Variants in PIP5K1C observed in about 807,000 individuals in gnomAD.
The protein encoded by PIP5K1C is phosphatidylinositol 4-phosphate 5-kinase type-1 gamma.
PIP5K1C carries 45 observed loss-of-function variants against 80.1 expected under a neutral mutation model. The ratio of observed to expected loss-of-function variants is 0.56; its 90% confidence interval spans 0.44 to 0.72. The LOEUF is 0.72. PIP5K1C is among the 30% of genes least tolerant of loss of function. The pLI is 0.00. For synonymous variants in PIP5K1C, 498 were observed against 420.1 expected (o/e 1.19, Z -2.27); for missense variants, 753 against 954.6 (o/e 0.79, Z 2.78).
Position 3,696,082 on chromosome 19 carries a change from G to A in PIP5K1C, c.94+4215C>T, listed in dbSNP as rs1057394937. Among the ~76,000 whole-genome samples the A allele has an allele frequency of 1.6e-4, 25 of 152,214 alleles. No individual in the cohort carries two copies. The highest frequency in any genetic ancestry group is 4.8e-4 in the African/African-American group (20 of 41,536). On this transcript the variant is annotated intron_variant, in intron 1 of 17. Transcript: ENST00000335312. This position sits in a 1 kb window ranked among gnomAD's most constrained non-coding sequence, Gnocchi z 4.1. ...ACAGCTACAGGGAGGCCCTGGTGGC[G>A]GTGCTGACTCCCTGCCCGGCCGCCC... is the stretch of plus-strand genomic sequence containing the variant.
Position 3,641,879 on chromosome 19 carries a change from A to G in PIP5K1C, c.1683-70T>C, listed in dbSNP as rs182796448. 59 of 1,232,416 alleles carry G rather than the reference A, an allele frequency of 4.8e-5. No individual in the cohort carries two copies. The East Asian group carries it at 1.3e-3, about 28-fold the overall frequency. 76.3% of individuals were successfully genotyped at this position (1,232,416 alleles called of 1,614,324 possible). On this transcript the variant is annotated intron_variant, in intron 14 of 17. Transcript: ENST00000335312. Reference sequence around the variant, plus strand: ...CCCCATCCTACCCCCAGGAGTGCCCAGTGAACTCCAGGGCCAGTCCCAGAG... The same window carrying G: ...CCCCATCCTACCCCCAGGAGTGCCCGGTGAACTCCAGGGCCAGTCCCAGAG...
At chr19:3,654,468 G>A (rs757670742) in intron 6 of PIP5K1C, among the ~76,000 whole-genome samples, 12 of 152,164 alleles carry the variant, frequency 7.9e-5, no homozygotes, top group East Asian at 1.9e-4. Flanking sequence ...GGCCGAATCC[G>A]GCCACCACCT....
At position 3,688,923 on chromosome 19, in the gene PIP5K1C, G is replaced by A. The variant is rs545138606; in HGVS notation, c.94+11374C>T. 2.0e-5 allele frequency among the ~76,000 whole-genome samples: 3 copies of A among 151,758 alleles called. No individual in the cohort carries two copies. Among genetic ancestry groups the A allele is most frequent in the South Asian group, 4.2e-4 (2 of 4,816 alleles). Reference sequence around the variant, plus strand: ...CCCAACACAGCCTGCAAATGGGCGGGGGCCTGGGAGAGTGCCCGGGATGGG... The same window carrying A: ...CCCAACACAGCCTGCAAATGGGCGGAGGCCTGGGAGAGTGCCCGGGATGGG... On this transcript the variant is annotated intron_variant, in intron 1 of 17. Coordinates refer to ENST00000335312, the MANE Select transcript of PIP5K1C (RefSeq NM_012398.3). This position sits in a 1 kb window ranked among gnomAD's most constrained non-coding sequence, Gnocchi z 5.3.
intron 3 of PIP5K1C, 25 bp from the exon 4 acceptor site, chr19:3,662,026 GC>G (rs779156125): frequency 1.9e-6 from 3 of 1,563,094 alleles, no homozygotes; most frequent in Non-Finnish European, 2.6e-6. Flanking sequence ...GAGTGTCAGG[GC>G]CCCCGGCTGC....
chr19:3,663,114 C>A (rs1012949464), intron 3 of PIP5K1C, among the ~76,000 whole-genome samples: 3 of 152,238 alleles, frequency 2.0e-5, no homozygotes, highest in Non-Finnish European at 4.4e-5. Flanking sequence ...GATCCTCCCG[C>A]CTCGGCCTCC....
intron 15 of PIP5K1C, among the ~76,000 whole-genome samples, chr19:3,639,678 T>C (rs1219378879): frequency 6.6e-6 from 1 of 152,208 alleles, no homozygotes; most frequent in Non-Finnish European, 1.5e-5. Context: ...GCGATCCTCC[T>C]GCCTCAGCCT....
chr19:3,664,999 GTTTA>G lies in PIP5K1C; in HGVS notation c.127-89_127-86del. On this transcript the variant is annotated intron_variant, in intron 2 of 17. Coordinates refer to ENST00000335312, the MANE Select transcript of PIP5K1C (RefSeq NM_012398.3). ...ACGCTCTGAAACCCTGGGAAGAAAG[GTTTA>G]GTCGTTGGGCCCAGCAGGGGTGCAC... The G allele has an allele frequency of 3.5e-6, 4 of 1,152,116 alleles. No individual in the cohort carries two copies. In the South Asian group the frequency reaches 5.0e-5, roughly 14 times the overall value. 71.4% of individuals were successfully genotyped at this position (1,152,116 alleles called of 1,614,324 possible).
intron 17 of PIP5K1C, 25 bp downstream of exon 17, chr19:3,633,412 G>A (rs927995040): frequency 3.5e-6 from 5 of 1,426,704 alleles, no homozygotes; most frequent in African/African-American, 1.4e-5. Flanking sequence ...CACGGGACCG[G>A]CGGGTGCACC....
rs555214130 is a variant in PIP5K1C at position 3,633,159 on chromosome 19, C to T, written c.*8G>A. 6.6e-6 allele frequency: 5 copies of T among 758,076 alleles called. No homozygotes were observed. The African/African-American group carries it at 8.5e-5, about 13-fold the overall frequency. 47.0% of individuals were successfully genotyped at this position (758,076 alleles called of 1,614,324 possible). A position where few individuals can be genotyped will look rare whatever the true frequency, so the allele number is the denominator to read the frequency against. ...GAGCTCGGCTCTGGGTCGGGGGCTG[C>T]ATAGAAATTACTGCAAGAGCAAGAG... is the stretch of plus-strand genomic sequence containing the variant. On this transcript the variant is annotated 3_prime_UTR_variant, in exon 18 of 18. Transcript: ENST00000335312.
rs2036256453 is a variant in PIP5K1C, at chr19:3,700,286, C to G, written c.94+11G>C. Reference sequence around the variant, plus strand: ...CCAGCGGGCCGCAGCCCCGGGAGGCCGGGCCGTTACCTGCCGCCGCCCCGC... The same window carrying G: ...CCAGCGGGCCGCAGCCCCGGGAGGCGGGGCCGTTACCTGCCGCCGCCCCGC... On this transcript the variant is annotated intron_variant, in intron 1 of 17. Coordinates refer to ENST00000335312, the MANE Select transcript of PIP5K1C (RefSeq NM_012398.3). 2 of 1,258,012 alleles carry G rather than the reference C, an allele frequency of 1.6e-6. No individual in the cohort carries two copies. Among genetic ancestry groups the G allele is most frequent in the Admixed American group, 3.0e-5 (1 of 33,134 alleles). The allele number at this position is 1,258,012 out of a possible 1,614,324, so 77.9% of individuals were successfully genotyped here.
intron 5 of PIP5K1C, 27 bp downstream of exon 5, chr19:3,660,939 G>C: frequency 1.3e-6 from 2 of 1,561,210 alleles, no homozygotes; most frequent in Middle Eastern, 3.3e-4. Context: ...TTCAAGCCTG[G>C]AAGCCCGTAA....
intron 2 of PIP5K1C, 137 bp from the exon 3 acceptor site, chr19:3,665,051 G>A (rs530086522): frequency 2.6e-4 from 194 of 752,692 alleles, no homozygotes; most frequent in African/African-American, 2.5e-3. Context: ...AGGTCCAGGC[G>A]ACTCCGGGGT....
intron 15 of PIP5K1C, among the ~76,000 whole-genome samples, chr19:3,639,320 C>T (rs1468362103): frequency 6.6e-6 from 1 of 152,246 alleles, no homozygotes; most frequent in Non-Finnish European, 1.5e-5. Context: ...GCCTCACCCT[C>T]ACCGGCTGTG....
intron 16 of PIP5K1C, among the ~76,000 whole-genome samples, chr19:3,635,904 C>T (rs1487357027): frequency 1.3e-5 from 2 of 151,890 alleles, no homozygotes; most frequent in African/African-American, 2.4e-5. Context: ...GGCGTGAACC[C>T]GGGAGGCGGA....
At chr19:3,662,958 T>C (rs2034887065) in intron 3 of PIP5K1C, among the ~76,000 whole-genome samples, 2 of 152,066 alleles carry the variant, frequency 1.3e-5, no homozygotes, top group Non-Finnish European at 1.5e-5. Flanking sequence ...GCCTCCTGGG[T>C]TCAAGCTATT....
chr19:3,644,176 G>A lies in PIP5K1C; in HGVS notation c.1421C>T (p.Ala474Val). 1 of 1,612,348 alleles carries A rather than the reference G, an allele frequency of 6.2e-7. No individual in the cohort carries two copies. Among genetic ancestry groups the A allele is most frequent in the Non-Finnish European group, 8.5e-7 (1 of 1,179,882 alleles). Residue 474 changes from alanine to valine, a missense_variant, in exon 12 of 18, where the codon GCC (alanine) becomes GTC (valine). Around this residue, in one of 6 missense-constraint regions of PIP5K1C, gnomAD observed 315 missense variants for 294.5 expected, o/e 1.07. Transcript: ENST00000335312. ...LAVKPLGPTAAFSASQIPSER... is the reference protein window; with the variant it reads ...LAVKPLGPTAVFSASQIPSER... ...GCTAGGGATCTGGCTGGCCGAGAAG[G>A]CAGCGGTGGGCCCCAGCGGTTTCAC...
chr19:3,657,071 G>A (rs1325110955), intron 5 of PIP5K1C, among the ~76,000 whole-genome samples: 1 of 152,196 alleles, frequency 6.6e-6, no homozygotes, highest in Non-Finnish European at 1.5e-5. Flanking sequence ...CAGCCACACT[G>A]GACTAGAAGG....
Position 3,639,008 on chromosome 19 carries a change from GC to G in PIP5K1C, c.1795del (p.Ala599LeufsTer12). On this transcript the variant is annotated frameshift_variant, in exon 16 of 18. Coordinates refer to ENST00000335312, the MANE Select transcript of PIP5K1C (RefSeq NM_012398.3). LOFTEE classifies it high-confidence loss of function. ...VPKEEDAGVE[A>X]SPAGASAAVE... ...AGCAGCAGAGGCACCGGCCGGGGAA[GC>G]CTCCACCCTGGGGACAGGAGTAGAC... 1.2e-6 allele frequency: 2 copies of G among 1,611,032 alleles called. No homozygotes were observed. Among genetic ancestry groups the G allele is most frequent in the Non-Finnish European group, 1.7e-6 (2 of 1,179,922 alleles).
At chr19:3,691,841 A>G (rs1432494079) in intron 1 of PIP5K1C, among the ~76,000 whole-genome samples, 1 of 152,148 alleles carries the variant, frequency 6.6e-6, no homozygotes. Context: ...AGCCCCCAAC[A>G]CAAGCGAGAA....
Sources: allele counts gnomAD v4.1 joint callset (sites outside exome capture counted in the v4.1 genomes callset), GRCh38; gene constraint gnomAD v4.1.1; regional missense constraint gnomAD v4.1.1; non-coding constraint Gnocchi (gnomAD v3.1); transcripts MANE v1.5; gene names NCBI Gene and HGNC (gene_info 2026-07-23, HGNC 2026-07-21).